C6orf118: variants seen among roughly 807,000 people sequenced by gnomAD.
C6orf118 encodes chromosome 6 open reading frame 118.
C6orf118 carries 50 observed loss-of-function variants against 50.2 expected under a neutral mutation model. The observed-to-expected ratio is 1.00, with a 90% CI of 0.79 to 1.26. The LOEUF is 1.26. Among genes scored for constraint, C6orf118 ranks in the 50% most tolerant of loss-of-function variants. The probability of loss-of-function intolerance (pLI) is 0.00; values close to 1 mark genes in which losing one functional copy is unlikely to be tolerated. For synonymous variants in C6orf118, 239 were observed against 230.9 expected, an observed-to-expected ratio of 1.03 and a Z score of -0.32; for missense variants, 641 against 578.7, an observed-to-expected ratio of 1.11 and a Z score of -1.10.
At chr6:165,303,304 G>A (rs1052258860) in intron 1 of C6orf118, among the ~76,000 whole-genome samples, 1 of 152,006 alleles carries the variant, frequency 6.6e-6, no homozygotes, top group African/African-American at 2.4e-5. Context: ...CAGAATCTCT[G>A]GGACGCATTC....
chr6:165,299,459 G>C lies in C6orf118; in HGVS notation c.920C>G (p.Pro307Arg). Residue 307 changes from proline (P) to arginine (R), a missense_variant, in exon 4 of 9, where the codon CCT becomes CGT. Transcript: ENST00000230301. ...LYMATLLESQ[P>R]AAQYEALLAQ... ...GATCGTCACCTCGTACTGTGCTGCA[G>C]GCTGGGACTCCAGGAGCGTTGCCAT... 1 of 1,614,084 alleles carries C rather than the reference G, an allele frequency of 6.2e-7. No homozygotes were observed. The highest frequency in any genetic ancestry group is 8.5e-7 in the Non-Finnish European group (1 of 1,180,010).
intron 7 of C6orf118, among the ~76,000 whole-genome samples, chr6:165,282,629 T>A (rs1298259228): frequency 7.1e-6 from 1 of 141,716 alleles, no homozygotes; most frequent in Admixed American, 7.6e-5. Context: ...ACATTGTAAA[T>A]CCTCAATACA....
chr6:165,302,348 AAGTCAGCTGGTGCACTGGCTG>A (rs1780590321), intron 1 of C6orf118, 52 bp from the exon 2 acceptor site: 1 of 1,572,784 alleles, frequency 6.4e-7, no homozygotes, highest in East Asian at 2.2e-5. Context: ...GTTCCACAGT[AAGTCAGCTGGTGCACTGGCTG>A]AGAGGCGTAG....
chr6:165,308,034 C>T (rs187553159), intron 1 of C6orf118, among the ~76,000 whole-genome samples: 1 of 152,224 alleles, frequency 6.6e-6, no homozygotes, highest in African/African-American at 2.4e-5. Flanking sequence ...TGAATGTGAG[C>T]CCCCAGGAAC....
Position 165,301,944 on chromosome 6 carries a change from G to A in C6orf118, c.378C>T (p.Thr126=), listed in dbSNP as rs34717417. ...TALVPSEAQD[T]PLFRYLNPQA... ...GGGGGTTCAGGTACCTGAACAGCGGGGTGTCCTGGGCCTCACTGGGGACCA... is the reference window on the plus strand; with the variant it reads ...GGGGGTTCAGGTACCTGAACAGCGGAGTGTCCTGGGCCTCACTGGGGACCA... The change falls in exon 2 of 9, where the codon ACC becomes ACT. Residue 126 remains threonine (T), a synonymous_variant. Coordinates refer to ENST00000230301, the MANE Select transcript of C6orf118 (RefSeq NM_144980.4). The A allele has an allele frequency of 1.2e-6, 2 of 1,613,848 alleles. No homozygotes were observed. Among genetic ancestry groups the A allele is most frequent in the Non-Finnish European group, 1.7e-6 (2 of 1,180,012 alleles).
chr6:165,281,090 A>T (rs1779713777), intron 8 of C6orf118, among the ~76,000 whole-genome samples: 1 of 152,192 alleles, frequency 6.6e-6, no homozygotes, highest in African/African-American at 2.4e-5. Flanking sequence ...AAATGATATA[A>T]ATCAGCTACT....
chr6:165,281,498 G>A, intron 8 of C6orf118, 142 bp downstream of exon 8: 24 of 1,405,284 alleles, frequency 1.7e-5, no homozygotes, highest in Non-Finnish European at 2.2e-5. Context: ...TCTCTTCACT[G>A]ATCTTTCCTA....
intron 7 of C6orf118, among the ~76,000 whole-genome samples, chr6:165,282,212 T>C (rs771748955): frequency 9.2e-5 from 14 of 152,282 alleles, no homozygotes; most frequent in Middle Eastern, 3.4e-3. Context: ...GTATTAATAT[T>C]GTAAAGCTGT....
At chr6:165,291,465 C>A (rs781348064) in intron 6 of C6orf118, among the ~76,000 whole-genome samples, 6 of 152,078 alleles carry the variant, frequency 3.9e-5, no homozygotes, top group Non-Finnish European at 4.4e-5. Context: ...AGTTGCCTGG[C>A]ACATGTTCTA....
At chr6:165,300,981 C>A (rs775650651) in intron 2 of C6orf118, among the ~76,000 whole-genome samples, 1 of 152,064 alleles carries the variant, frequency 6.6e-6, no homozygotes, top group Non-Finnish European at 1.5e-5. Flanking sequence ...CCTCTGCCCT[C>A]ACGGTTCTTC....
intron 5 of C6orf118, among the ~76,000 whole-genome samples, chr6:165,296,564 C>T (rs1331308521): frequency 6.6e-6 from 1 of 152,140 alleles, no homozygotes; most frequent in Non-Finnish European, 1.5e-5. Flanking sequence ...CCACAGAACT[C>T]GTGCCTTCTT....
chr6:165,299,456 G>A lies in C6orf118; in HGVS notation c.923C>T (p.Ala308Val), dbSNP rs1780433505. ...YMATLLESQP[A>V]AQYEALLAQL... ...ATCGATCGTCACCTCGTACTGTGCT[G>A]CAGGCTGGGACTCCAGGAGCGTTGC... Residue 308 changes from alanine to valine, a missense_variant, in exon 4 of 9, where the codon GCA becomes GTA. Ala to Val is a moderately conservative substitution (Grantham distance 64). Coordinates refer to ENST00000230301, the MANE Select transcript of C6orf118 (RefSeq NM_144980.4). The A allele has an allele frequency of 6.2e-7, 1 of 1,614,018 alleles. No homozygotes were observed. The highest frequency in any genetic ancestry group is 1.3e-5 in the African/African-American group (1 of 75,030).
In C6orf118 at chr6:165,301,937, A is replaced by G. The variant is rs750768742; in HGVS notation, c.385T>C (p.Phe129Leu). The G allele has an allele frequency of 1.9e-6, 3 of 1,613,782 alleles. No individual in the cohort carries two copies. Among genetic ancestry groups the G allele is most frequent in the Non-Finnish European group, 2.5e-6 (3 of 1,179,984 alleles). Residue 129 changes from phenylalanine (F) to leucine (L), a missense_variant, in exon 2 of 9, where the codon TTC becomes CTC. Transcript: ENST00000230301. ...GAGGCCTGGGGGTTCAGGTACCTGA[A>G]CAGCGGGGTGTCCTGGGCCTCACTG... ...VPSEAQDTPL[F>L]RYLNPQASLS...
At chr6:165,295,209 T>C (rs1780247582) in intron 5 of C6orf118, among the ~76,000 whole-genome samples, 1 of 152,228 alleles carries the variant, frequency 6.6e-6, no homozygotes, top group Non-Finnish European at 1.5e-5. Flanking sequence ...TCCTTGGGTA[T>C]TTCAGAATTT....
At chr6:165,309,437 G>A in intron 1 of C6orf118, 125 bp downstream of exon 1, 1 of 1,153,582 alleles carries the variant, frequency 8.7e-7, no homozygotes, top group Non-Finnish European at 1.3e-6. Context: ...AGTGACCCTG[G>A]AGCCGGCGTG....
chr6:165,309,006 G>C (rs1780845230), intron 1 of C6orf118, among the ~76,000 whole-genome samples: 1 of 152,194 alleles, frequency 6.6e-6, no homozygotes. Flanking sequence ...AAAAGCGAAG[G>C]CTTCGAAGTC....
intron 2 of C6orf118, 102 bp from the exon 3 acceptor site, chr6:165,300,588 C>T (rs147639248): frequency 8.7e-6 from 10 of 1,147,828 alleles, no homozygotes; most frequent in African/African-American, 1.6e-5. Context: ...ATCACCCTGG[C>T]GAGTGGGCGG....
At chr6:165,295,207 T>C (rs1487548454) in intron 5 of C6orf118, among the ~76,000 whole-genome samples, 1 of 152,230 alleles carries the variant, frequency 6.6e-6, no homozygotes, top group East Asian at 1.9e-4. Context: ...CTTCCTTGGG[T>C]ATTTCAGAAT....
intron 3 of C6orf118, 87 bp downstream of exon 3, chr6:165,300,277 G>A (rs1780469274): frequency 3.3e-6 from 5 of 1,513,650 alleles, no homozygotes; most frequent in Non-Finnish European, 2.7e-6. Flanking sequence ...ATACCTAGCA[G>A]AATTTCAGTG....
Sources: gnomAD v4.1 joint callset for allele counts (sites outside exome capture counted in the v4.1 genomes callset) on GRCh38, gnomAD v4.1.1 for gene constraint, MANE v1.5 for transcripts, NCBI Gene and HGNC (gene_info 2026-07-23, HGNC 2026-07-21) for gene names.